The following HLA-DPA1 variants were observed in gnomAD, a reference collection of about 807,000 sequenced individuals.
The protein encoded by HLA-DPA1 is HLA class II histocompatibility antigen, DP alpha 1 chain.
In HLA-DPA1, 20 loss-of-function variants were observed where a neutral mutation model predicts 21.5. The observed-to-expected ratio is 0.93, with a 90% CI of 0.66 to 1.35. The LOEUF (loss-of-function observed/expected upper bound fraction) is 1.35. Among genes scored for constraint, HLA-DPA1 ranks in the 40% most tolerant of loss-of-function variants. HLA-DPA1 has a pLI of 0.00. For missense variants in HLA-DPA1, 279 were observed against 323.0 expected, an observed-to-expected ratio of 0.86 and a Z score of 1.05; for synonymous variants, 123 against 129.6, an observed-to-expected ratio of 0.95 and a Z score of 0.35.
At chr6:33,068,522 G>T in intron 5 of HLA-DPA1, 116 bp downstream of exon 4, 1 of 779,886 alleles carries the variant, frequency 1.3e-6, no homozygotes, top group East Asian at 2.7e-5. Context: ...TGTTGTTGTT[G>T]TTATGTGGCT....
chr6:33,068,888 G>C, intron 4 of HLA-DPA1, 84 bp from the exon 4 acceptor site: 1 of 1,550,620 alleles, frequency 6.4e-7, no homozygotes, highest in Non-Finnish European at 8.8e-7. Context: ...TGAAGGTTAT[G>C]GACCAGTTAA....
exon 6 of HLA-DPA1, chr6:33,064,957 T>A (rs1761885773): frequency 6.6e-6 from 1 of 152,180 alleles, no homozygotes; most frequent in African/African-American, 2.4e-5. Flanking sequence ...CAAGAAATAG[T>A]ATTCACATGT....
chr6:33,068,100 A>G (rs9469341), intron 5 of HLA-DPA1: 48,548 of 151,962 alleles, frequency 0.32, 10,852 homozygotes, highest in East Asian at 0.69. Flanking sequence ...TTTTGTGTGA[A>G]CATTGCCATG....
At chr6:33,069,255 C>T (rs1355554604) in exon 4 of HLA-DPA1, 1 of 1,612,954 alleles carries the variant, frequency 6.2e-7, no homozygotes, top group South Asian at 1.1e-5. Flanking sequence ...GTTGGGCTGG[C>T]CCAGCTCCAC....
rs935097101 is a variant in HLA-DPA1 at position 33,080,314 on chromosome 6, C to A, written c.-100+366G>T. 5 of 452,368 alleles carry A rather than the reference C, an allele frequency of 1.1e-5. No individual in the cohort carries two copies. The highest frequency in any genetic ancestry group is 2.8e-5 in the Admixed American group (1 of 36,220). 28.0% of individuals were successfully genotyped at this position (452,368 alleles called of 1,614,324 possible). A position where few individuals can be genotyped will look rare whatever the true frequency, so the allele number is the denominator to read the frequency against. The stretch of plus-strand genomic sequence containing the variant: ...GGGAGCAGCTCCGCCCTCCACGTCC[C>A]CAGCTCCTCCCGCCCCTGTTTTTTC... On this transcript the variant is annotated intron_variant, in intron 1 of 5. Transcript: ENST00000419277. This position sits in a 1 kb window ranked among gnomAD's most constrained non-coding sequence, Gnocchi z 4.3.
At chr6:33,069,802 A>T (rs2308912) in exon 3 of HLA-DPA1, 322,164 of 1,578,240 alleles carry the variant, frequency 0.2, 45,122 homozygotes, top group East Asian at 0.63. Context: ...CACATAGAAC[A>T]TCTCATCTTC....
Position 33,069,864 on chromosome 6 carries a change from G to A in HLA-DPA1, c.123C>T (p.Ala41=), listed in dbSNP as rs571030506. ...TTGGTCTATGCGTCTGTACAAACGC[G>A]GCATAAGTTGACACATGGTCCGCTG... Residue 41 remains alanine (A), a synonymous_variant, in exon 3 of 6, where the codon GCC becomes GCT. Coordinates refer to ENST00000419277, the Ensembl canonical transcript of HLA-DPA1. The A allele has an allele frequency of 1.4e-4, 222 of 1,609,302 alleles. 1 individual carries two copies. The South Asian group carries it at 1.8e-3, about 13-fold the overall frequency.
intron 1 of HLA-DPA1, chr6:33,079,856 A>G (rs114762475): frequency 0.018 from 6,048 of 342,136 alleles, 90 homozygotes; most frequent in Middle Eastern, 0.059. Flanking sequence ...TAAGAAAATG[A>G]GTAGAAAGTT....
At chr6:33,069,489 A>C in intron 3 of HLA-DPA1, 152 bp downstream of exon 2, 1 of 1,111,328 alleles carries the variant, frequency 9.0e-7, no homozygotes, top group Non-Finnish European at 1.3e-6. Flanking sequence ...GAGAGGATGC[A>C]AGCCCTTGCT....
chr6:33,069,294 G>C, exon 4 of HLA-DPA1: 1 of 1,611,960 alleles, frequency 6.2e-7, no homozygotes, highest in South Asian at 1.1e-5. Flanking sequence ...GGTCACCTCA[G>C]GGGGATCTGG....
At chr6:33,069,606 T>A (rs933507168) in intron 3 of HLA-DPA1, 35 bp downstream of exon 2, 1 of 1,608,582 alleles carries the variant, frequency 6.2e-7, no homozygotes. Flanking sequence ...CCCTTCCAGT[T>A]GGGCTACAGA....
exon 4 of HLA-DPA1, chr6:33,069,176 C>T (rs1371459557): frequency 6.2e-7 from 1 of 1,612,868 alleles, no homozygotes; most frequent in East Asian, 2.2e-5. Flanking sequence ...CAGTGACCAG[C>T]TCCCCGTTGC....
chr6:33,066,082 T>C (rs556277794), intron 5 of HLA-DPA1: 1 of 152,328 alleles, frequency 6.6e-6, no homozygotes, highest in East Asian at 1.9e-4. Context: ...TTTTCCATTC[T>C]TCCTCTTAAC....
At chr6:33,069,207 A>G (rs1762126620) in exon 4 of HLA-DPA1, 1 of 1,612,842 alleles carries the variant, frequency 6.2e-7, no homozygotes, top group African/African-American at 1.3e-5. Context: ...GACGTTGAGC[A>G]CTGGTGGGAA....
chr6:33,071,007 A>T (rs1413195625), intron 2 of HLA-DPA1, among the ~76,000 whole-genome samples: 1 of 152,226 alleles, frequency 6.6e-6, no homozygotes, highest in African/African-American at 2.4e-5. Context: ...GTGTATGTGA[A>T]AGTCTGGGTT....
chr6:33,072,268 C>A (rs1290759897), intron 2 of HLA-DPA1, among the ~76,000 whole-genome samples: 1 of 152,160 alleles, frequency 6.6e-6, no homozygotes, highest in South Asian at 2.1e-4. Context: ...GTACCAGAGA[C>A]AAGTCAGAAG....
Position 33,080,198 on chromosome 6 carries a change from A to T in HLA-DPA1, c.-100+482T>A, listed in dbSNP as rs1328670974. Among the ~76,000 whole-genome samples the T allele has an allele frequency of 2.0e-5, 3 of 152,212 alleles. No homozygotes were observed. The highest frequency in any genetic ancestry group is 7.2e-5 in the African/African-American group (3 of 41,460). On this transcript the variant is annotated intron_variant, in intron 1 of 5. Coordinates refer to ENST00000419277, the Ensembl canonical transcript of HLA-DPA1. The surrounding 1 kb of genome is among the most constrained non-coding windows in gnomAD (Gnocchi z 4.3). ...GAGAGAGCGCTTAGCTATGGAAAAG[A>T]GAAAGAAGGAAGGGAGGGCTTCCTG...
At chr6:33,080,724 G>A (rs772611590), upstream of HLA-DPA1, 34 of 1,613,544 alleles carry the variant, frequency 2.1e-5, 1 homozygote, top group Middle Eastern at 8.2e-4. The surrounding 1 kb of genome is among the most constrained non-coding windows in gnomAD (Gnocchi z 4.3). Context: ...ATGGGACACA[G>A]CGCTTCCTGG....
exon 4 of HLA-DPA1, chr6:33,069,183 T>C (rs1277329076): frequency 6.2e-7 from 1 of 1,612,908 alleles, no homozygotes; most frequent in South Asian, 1.1e-5. Flanking sequence ...CAGCTCCCCG[T>C]TGCACAGCCA....
Sources: allele counts gnomAD v4.1 joint callset (sites outside exome capture counted in the v4.1 genomes callset), GRCh38; gene constraint gnomAD v4.1.1; non-coding constraint Gnocchi (gnomAD v3.1); transcripts MANE v1.5; gene names NCBI Gene and HGNC (gene_info 2026-07-23, HGNC 2026-07-21).